EDIL3: variants seen among roughly 807,000 people sequenced by gnomAD.
EDIL3 encodes the protein EGF-like repeat and discoidin I-like domain-containing protein 3.
A neutral mutation model predicts 67.4 loss-of-function variants in EDIL3; 37 were observed. The ratio of observed to expected loss-of-function variants is 0.55; its 90% confidence interval spans 0.42 to 0.72. The LOEUF is 0.72. EDIL3 is among the 30% of genes least tolerant of loss of function. EDIL3 has a pLI of 0.00. For synonymous variants in EDIL3, 195 were observed against 196.3 expected (o/e 0.99, Z 0.05); for missense variants, 527 against 586.3 (o/e 0.90, Z 1.04).
intron 1 of EDIL3, among the ~76,000 whole-genome samples, chr5:84,287,463 G>A (rs778318012): frequency 4.6e-5 from 7 of 152,098 alleles, no homozygotes; most frequent in Non-Finnish European, 8.8e-5. Context: ...TATTAAATTT[G>A]TAGATCAAAT....
At chr5:83,984,543 C>T (rs1457593503) in intron 9 of EDIL3, among the ~76,000 whole-genome samples, 1 of 152,026 alleles carries the variant, frequency 6.6e-6, no homozygotes, top group East Asian at 1.9e-4. Context: ...CATACGGTGA[C>T]AAAGAGAAAC....
At chr5:84,118,768 G>A (rs768421463) in intron 5 of EDIL3, among the ~76,000 whole-genome samples, 19 of 152,246 alleles carry the variant, frequency 1.2e-4, no homozygotes, top group Admixed American at 8.5e-4. Flanking sequence ...TAATCCAGTG[G>A]TGTACAAATT....
At chr5:84,286,304 G>A (rs189380559) in intron 1 of EDIL3, among the ~76,000 whole-genome samples, 23 of 152,254 alleles carry the variant, frequency 1.5e-4, no homozygotes, top group Non-Finnish European at 1.3e-4. Context: ...AGAGTAGGGA[G>A]TCATAGAGCC....
chr5:84,112,834 A>C (rs549979231), intron 5 of EDIL3, among the ~76,000 whole-genome samples: 1 of 152,216 alleles, frequency 6.6e-6, no homozygotes, highest in Admixed American at 6.5e-5. Context: ...ATGTCGGTAG[A>C]GGGAATTACT....
At chr5:84,148,162 T>G (rs899335281) in intron 4 of EDIL3, among the ~76,000 whole-genome samples, 1 of 152,190 alleles carries the variant, frequency 6.6e-6, no homozygotes, top group Non-Finnish European at 1.5e-5. Context: ...TATTATTATA[T>G]GAGTTAAACC....
chr5:84,375,686 A>C (rs1747953537), intron 1 of EDIL3, among the ~76,000 whole-genome samples: 1 of 152,240 alleles, frequency 6.6e-6, no homozygotes, highest in Admixed American at 6.5e-5. Context: ...ATGAAATCCT[A>C]GAAAATTAAA....
At chr5:84,120,466 T>C (rs996435531) in intron 5 of EDIL3, among the ~76,000 whole-genome samples, 11 of 152,052 alleles carry the variant, frequency 7.2e-5, no homozygotes, top group Admixed American at 1.3e-4. Flanking sequence ...TTAATAAAGA[T>C]TGTTAATATA....
intron 10 of EDIL3, among the ~76,000 whole-genome samples, chr5:83,957,724 T>C (rs2112123920): frequency 6.6e-6 from 1 of 151,882 alleles, no homozygotes; most frequent in East Asian, 2.0e-4. Context: ...TATGTGCTAC[T>C]TCTTCCCTAG....
intron 5 of EDIL3, among the ~76,000 whole-genome samples, chr5:84,130,748 T>C (rs1476938792): frequency 2.6e-5 from 4 of 152,148 alleles, no homozygotes; most frequent in East Asian, 1.9e-4. Flanking sequence ...TGTCATTCGC[T>C]AAGATACCTG....
chr5:84,263,325 T>C (rs1745274030), intron 1 of EDIL3, among the ~76,000 whole-genome samples: 1 of 152,278 alleles, frequency 6.6e-6, no homozygotes, highest in Non-Finnish European at 1.5e-5. Context: ...AGAAGTACTG[T>C]CTTGCTTTAG....
chr5:84,204,477 C>A (rs1041017042), intron 3 of EDIL3, among the ~76,000 whole-genome samples: 4 of 152,040 alleles, frequency 2.6e-5, no homozygotes, highest in Non-Finnish European at 5.9e-5. Flanking sequence ...TCATTGATAT[C>A]CAACCTGTTC....
At chr5:83,991,778 C>T (rs1044031317) in intron 9 of EDIL3, among the ~76,000 whole-genome samples, 18 of 152,070 alleles carry the variant, frequency 1.2e-4, no homozygotes, top group African/African-American at 3.1e-4. Context: ...TATCACAGGC[C>T]GACCGCGGAA....
At position 84,065,190 on chromosome 5, in the gene EDIL3, C is replaced by T. The variant is rs576147285; in HGVS notation, c.808-346G>A. 3.3e-5 allele frequency among the ~76,000 whole-genome samples: 5 copies of T among 152,274 alleles called. No homozygotes were observed. In the South Asian group the frequency reaches 1.0e-3, roughly 32 times the overall value. ...TCAATTTAATCTGGGACTGTCTGCTCATTTTCCTACTTAGTATTCATACTT... is the reference window on the plus strand; with the variant it reads ...TCAATTTAATCTGGGACTGTCTGCTTATTTTCCTACTTAGTATTCATACTT... On this transcript the variant is annotated intron_variant, in intron 7 of 10. Transcript: ENST00000296591.
chr5:84,373,601 C>G (rs1747902308), intron 1 of EDIL3, among the ~76,000 whole-genome samples: 1 of 151,904 alleles, frequency 6.6e-6, no homozygotes, highest in Non-Finnish European at 1.5e-5. Flanking sequence ...TTTCATAAAG[C>G]AACAATGGTG....
intron 6 of EDIL3, among the ~76,000 whole-genome samples, chr5:84,082,198 C>G (rs1746983024): frequency 6.6e-6 from 1 of 152,212 alleles, no homozygotes. Flanking sequence ...TGATAATACT[C>G]TACACCTTTC....
At chr5:84,362,208 G>A (rs1171957637) in intron 1 of EDIL3, among the ~76,000 whole-genome samples, 2 of 152,054 alleles carry the variant, frequency 1.3e-5, no homozygotes, top group Non-Finnish European at 2.9e-5. Context: ...ACACACCTTT[G>A]TTATTAGTGC....
chr5:84,085,437 T>C (rs1747052259), intron 6 of EDIL3, among the ~76,000 whole-genome samples: 1 of 152,192 alleles, frequency 6.6e-6, no homozygotes, highest in Non-Finnish European at 1.5e-5. Context: ...AAGCCCTTCT[T>C]CTGCAGGTCA....
chr5:84,164,001 C>A (rs537282577), intron 4 of EDIL3, among the ~76,000 whole-genome samples: 1 of 152,096 alleles, frequency 6.6e-6, no homozygotes, highest in East Asian at 1.9e-4. Flanking sequence ...TTTAAGAAGG[C>A]CAACTTAGAC....
At chr5:84,059,314 G>A (rs1026848804) in intron 9 of EDIL3, among the ~76,000 whole-genome samples, 9 of 152,046 alleles carry the variant, frequency 5.9e-5, no homozygotes, top group Admixed American at 2.6e-4. Context: ...GAGGCAGGAG[G>A]ACTGCTGGAG....
Sources: gnomAD v4.1 joint callset for allele counts (sites outside exome capture counted in the v4.1 genomes callset) on GRCh38, gnomAD v4.1.1 for gene constraint, MANE v1.5 for transcripts, NCBI Gene and HGNC (gene_info 2026-07-23, HGNC 2026-07-21) for gene names.